The following PPP1R9A variants were observed in gnomAD, a reference collection of about 807,000 sequenced individuals.
PPP1R9A encodes the protein protein phosphatase 1 regulatory subunit 9A.
In PPP1R9A, 59 loss-of-function variants were observed where a neutral mutation model predicts 141.9. The ratio of observed to expected loss-of-function variants is 0.42; its 90% CI spans 0.34 to 0.52. The LOEUF (loss-of-function observed/expected upper bound fraction) is 0.52, where lower values mean the gene tolerates loss of function less well. Among genes scored for constraint, PPP1R9A ranks in the 20% least tolerant of loss-of-function variants. The pLI is 0.10. For missense variants in PPP1R9A, 1,444 were observed against 1,611.9 expected, an observed-to-expected ratio of 0.90 and a Z score of 1.78; for synonymous variants, 500 against 569.7, an observed-to-expected ratio of 0.88 and a Z score of 1.74.
intron 2 of PPP1R9A, among the ~76,000 whole-genome samples, chr7:95,023,427 T>A (rs1376562885): frequency 6.6e-6 from 1 of 152,184 alleles, no homozygotes; most frequent in East Asian, 1.9e-4. Flanking sequence ...AAAATGCAGC[T>A]CCTGGATTCA....
rs370360722 is a variant in PPP1R9A, at chr7:95,286,818, ATG to A, written c.3729+497_3729+498del. 4.1e-3 allele frequency among the ~76,000 whole-genome samples: 630 copies of A among 152,280 alleles called. 4 individuals are homozygous for A. The highest frequency in any genetic ancestry group is 0.014 in the African/African-American group (600 of 41,554). On this transcript the variant is annotated intron_variant, in intron 18 of 19. Coordinates refer to ENST00000433360, the MANE Select transcript of PPP1R9A (RefSeq NM_001166160.2). The stretch of plus-strand genomic sequence containing the variant: ...ATTGCTACAAATTATCAGGAGATAA[ATG>A]TGTACAAGAGAGTCAGGAAATGAGG...
chr7:95,133,244 C>T (rs1824982108), intron 4 of PPP1R9A, among the ~76,000 whole-genome samples: 1 of 152,066 alleles, frequency 6.6e-6, no homozygotes, highest in Non-Finnish European at 1.5e-5. Context: ...AGGAAGTTCT[C>T]ATTCCAGTCA....
chr7:95,129,822 C>T (rs1563280581), intron 4 of PPP1R9A, among the ~76,000 whole-genome samples: 3 of 152,062 alleles, frequency 2.0e-5, no homozygotes, highest in Non-Finnish European at 2.9e-5. Context: ...TTGCCCCTAC[C>T]CTAGAGATCT....
intron 5 of PPP1R9A, among the ~76,000 whole-genome samples, chr7:95,172,866 A>G (rs889111534): frequency 2.6e-5 from 4 of 151,936 alleles, no homozygotes; most frequent in Admixed American, 1.3e-4. Context: ...ATATAGATTA[A>G]TGGATCAGAA....
chr7:95,064,099 T>A (rs1379016344), intron 2 of PPP1R9A, among the ~76,000 whole-genome samples: 5 of 152,224 alleles, frequency 3.3e-5, no homozygotes, highest in Admixed American at 3.3e-4. Context: ...TATTTGCTGT[T>A]ATTTAAGTTC....
Position 95,063,191 on chromosome 7 carries a change from A to G in PPP1R9A, c.1396-48068A>G, listed in dbSNP as rs530111425. ...GAGTATTTTGATGGAAGAGAAAACA[A>G]TTCCTTTATTTATTGTAAGAATGTT... On this transcript the variant is annotated intron_variant, in intron 2 of 19. Transcript: ENST00000433360. 2.0e-5 allele frequency among the ~76,000 whole-genome samples: 3 copies of G among 152,328 alleles called. No individual in the cohort carries two copies. In the South Asian group the frequency reaches 6.2e-4, roughly 32 times the overall value.
intron 19 of PPP1R9A, 88 bp downstream of exon 19, chr7:95,288,806 C>A (rs1424201017): frequency 2.1e-6 from 3 of 1,421,286 alleles, no homozygotes; most frequent in Admixed American, 2.2e-5. Context: ...TAAGAGCATT[C>A]TGCATATCTG....
chr7:94,929,179 A>G (rs981908552), intron 2 of PPP1R9A, among the ~76,000 whole-genome samples: 1 of 152,228 alleles, frequency 6.6e-6, no homozygotes, highest in Non-Finnish European at 1.5e-5. Context: ...ATCTTTTTGT[A>G]AAAAGTGTCT....
At chr7:95,287,408 C>T (rs529474900) in intron 18 of PPP1R9A, among the ~76,000 whole-genome samples, 3 of 152,302 alleles carry the variant, frequency 2.0e-5, no homozygotes, top group African/African-American at 4.8e-5. Context: ...TTCTTCCTCT[C>T]CTTTGCCTTC....
Position 95,284,000 on chromosome 7 carries a change from A to T in PPP1R9A, c.3297-18A>T. On this transcript the variant is annotated intron_variant, in intron 16 of 19. Coordinates refer to ENST00000433360, the MANE Select transcript of PPP1R9A (RefSeq NM_001166160.2). ...CGCCCTTTCTTTATCTAACACACCC[A>T]TTCTTTTCACAAAACAGGATCTTCA... 6.4e-7 allele frequency: 1 copy of T among 1,564,432 alleles called. No individual in the cohort carries two copies. The highest frequency in any genetic ancestry group is 1.1e-5 in the South Asian group (1 of 88,002).
intron 2 of PPP1R9A, among the ~76,000 whole-genome samples, chr7:94,955,024 C>T (rs1796934939): frequency 1.3e-5 from 2 of 151,910 alleles, no homozygotes. Flanking sequence ...TTTAAAAAAA[C>T]TTTCTGAATC....
At chr7:94,963,898 G>A (rs181531636) in intron 2 of PPP1R9A, among the ~76,000 whole-genome samples, 45 of 152,252 alleles carry the variant, frequency 3.0e-4, no homozygotes, top group African/African-American at 1.0e-3. Flanking sequence ...TATCCCATTG[G>A]CATATCCACC....
At position 95,101,002 on chromosome 7, in the gene PPP1R9A, G is replaced by A. The variant is rs550290483; in HGVS notation, c.1396-10257G>A. Among the ~76,000 whole-genome samples, 405 of 150,966 alleles carry A rather than the reference G, an allele frequency of 2.7e-3. 1 individual carries two copies. The highest frequency in any genetic ancestry group is 4.2e-3 in the Non-Finnish European group (284 of 67,694). ...CGAGTAGCTGGGACTACAGGCGCCC[G>A]CTACCACGCCCGGCTAATTTTTTGT... is the stretch of plus-strand genomic sequence containing the variant. On this transcript the variant is annotated intron_variant, in intron 2 of 19. Transcript: ENST00000433360.
At chr7:94,927,544 G>A (rs1367182518) in intron 2 of PPP1R9A, among the ~76,000 whole-genome samples, 2 of 152,284 alleles carry the variant, frequency 1.3e-5, no homozygotes, top group East Asian at 3.9e-4. Context: ...TTATAAATAA[G>A]TGGTTATGCT....
At chr7:95,263,505 G>A (rs1229104412) in intron 12 of PPP1R9A, among the ~76,000 whole-genome samples, 11 of 151,904 alleles carry the variant, frequency 7.2e-5, no homozygotes, top group Admixed American at 7.2e-4. Flanking sequence ...CCCGATCTTG[G>A]CTCACTGCAA....
At chr7:95,079,845 A>T (rs967280803) in intron 2 of PPP1R9A, among the ~76,000 whole-genome samples, 6 of 152,240 alleles carry the variant, frequency 3.9e-5, no homozygotes, top group African/African-American at 1.4e-4. Flanking sequence ...AAACCGCATG[A>T]TTATCTCAAT....
chr7:95,260,841 T>C (rs996927067), intron 12 of PPP1R9A, among the ~76,000 whole-genome samples: 19 of 152,210 alleles, frequency 1.2e-4, no homozygotes, highest in Non-Finnish European at 2.8e-4. Flanking sequence ...TATGATCTTT[T>C]ATAAGTAAAG....
At chr7:95,275,178 C>T (rs770418581) in intron 16 of PPP1R9A, among the ~76,000 whole-genome samples, 17 of 152,066 alleles carry the variant, frequency 1.1e-4, no homozygotes, top group African/African-American at 3.6e-4. Flanking sequence ...GAGGCCAAGG[C>T]GGGTGGATCA....
chr7:95,064,125 A>C (rs950765465), intron 2 of PPP1R9A, among the ~76,000 whole-genome samples: 7 of 152,190 alleles, frequency 4.6e-5, no homozygotes, highest in Admixed American at 4.6e-4. Flanking sequence ...AGTCACAGAA[A>C]ACACTGAATC....
Sources: allele counts gnomAD v4.1 joint callset (sites outside exome capture counted in the v4.1 genomes callset), GRCh38; gene constraint gnomAD v4.1.1; transcripts MANE v1.5; gene names NCBI Gene and HGNC (gene_info 2026-07-23, HGNC 2026-07-21).